Variants in ZNG1B observed in about 807,000 individuals in gnomAD.
ZNG1B encodes zinc-regulated GTPase metalloprotein activator 1B.
At chr2:113,488,142 G>T in the ZNG1B span, among the ~76,000 whole-genome samples, 1 of 152,036 alleles carries the variant, frequency 6.6e-6, no homozygotes, top group African/African-American at 2.4e-5. Flanking sequence ...ACTGGAACAG[G>T]TGCTGGTATC....
At chr2:113,479,884 C>T in the ZNG1B span, among the ~76,000 whole-genome samples, 2 of 150,188 alleles carry the variant, frequency 1.3e-5, no homozygotes, top group Non-Finnish European at 3.0e-5. Flanking sequence ...TGCAGTGGTG[C>T]GATGTCAGCT....
At chr2:113,466,880 C>T in the ZNG1B span, 1,767 of 896,928 alleles carry the variant, frequency 2.0e-3, 1 homozygote, top group Non-Finnish European at 2.1e-3. Flanking sequence ...CTGGCTAACA[C>T]TGTGAAACCC....
chr2:113,471,655 C>G, the ZNG1B span, among the ~76,000 whole-genome samples: 1 of 147,428 alleles, frequency 6.8e-6, no homozygotes, highest in Non-Finnish European at 1.5e-5. Context: ...ACAACAGTCC[C>G]CAGAATGTGA....
chr2:113,438,531 C>G, the ZNG1B span, among the ~76,000 whole-genome samples: 26 of 151,346 alleles, frequency 1.7e-4, no homozygotes, highest in South Asian at 2.9e-3. Context: ...ATCTTAAACA[C>G]TTTTTTTTTG....
the ZNG1B span, chr2:113,447,916 G>T: frequency 2.2e-5 from 10 of 447,566 alleles, no homozygotes; most frequent in South Asian, 1.6e-4. Context: ...TTGAAGTCTG[G>T]AATCCCTCAA....
the ZNG1B span, among the ~76,000 whole-genome samples, chr2:113,477,687 A>T: frequency 3.9e-5 from 6 of 152,264 alleles, no homozygotes; most frequent in African/African-American, 1.4e-4. Context: ...CTAACATGAG[A>T]TCTACCCTCT....
chr2:113,446,213 T>C, the ZNG1B span, among the ~76,000 whole-genome samples: 1 of 151,990 alleles, frequency 6.6e-6, no homozygotes, highest in East Asian at 1.9e-4. Context: ...AACTTGATAC[T>C]TTTGAGAGTT....
the ZNG1B span, among the ~76,000 whole-genome samples, chr2:113,488,091 A>G: frequency 6.6e-6 from 1 of 152,072 alleles, no homozygotes; most frequent in South Asian, 2.1e-4. Context: ...CAGCAAAGCT[A>G]AGAACCCTCA....
the ZNG1B span, chr2:113,455,624 T>C: frequency 1.6e-6 from 2 of 1,287,120 alleles, no homozygotes; most frequent in Admixed American, 2.3e-5. Flanking sequence ...AATCTGAGCA[T>C]ATGGATAGGG....
At chr2:113,451,081 C>G in the ZNG1B span, among the ~76,000 whole-genome samples, 1 of 152,236 alleles carries the variant, frequency 6.6e-6, no homozygotes, top group South Asian at 2.1e-4. Context: ...CCTTCTCCTT[C>G]CCAAAGCAAG....
the ZNG1B span, chr2:113,469,077 C>T: frequency 1.4e-4 from 21 of 151,300 alleles, no homozygotes; most frequent in Admixed American, 9.9e-4. Context: ...TAAGCTATTT[C>T]CTAAGATGAA....
At chr2:113,461,346 T>C in the ZNG1B span, among the ~76,000 whole-genome samples, 2 of 152,078 alleles carry the variant, frequency 1.3e-5, no homozygotes, top group Non-Finnish European at 2.9e-5. Flanking sequence ...CCTCCCAAAG[T>C]GCTGGGATTA....
the ZNG1B span, chr2:113,445,188 G>A: frequency 3.5e-6 from 4 of 1,147,774 alleles, no homozygotes; most frequent in East Asian, 7.4e-5. Context: ...TGGTTTAAAA[G>A]AGGAAAAGTA....
At chr2:113,465,896 G>A in the ZNG1B span, 1 of 984,920 alleles carries the variant, frequency 1.0e-6, no homozygotes. Flanking sequence ...GTACAGCAGA[G>A]GCCTTAGGTG....
the ZNG1B span, among the ~76,000 whole-genome samples, chr2:113,475,706 A>T: frequency 1.2e-4 from 18 of 151,906 alleles, no homozygotes; most frequent in Non-Finnish European, 2.4e-4. Flanking sequence ...ATCTCTCAGC[A>T]TTTGCTTGTC....
the ZNG1B span, among the ~76,000 whole-genome samples, chr2:113,481,140 C>T: frequency 1.4e-5 from 2 of 138,124 alleles, no homozygotes; most frequent in Admixed American, 7.5e-5. Context: ...CATTGTCCAA[C>T]AACATTAAAT....
the ZNG1B span, chr2:113,482,119 CGTATAAA>C: frequency 1.6e-6 from 1 of 633,092 alleles, no homozygotes; most frequent in Non-Finnish European, 2.7e-6. Context: ...CACTAAATAA[CGTATAAA>C]GTTAAATCAG....
At chr2:113,489,461 AAAAC>A in the ZNG1B span, among the ~76,000 whole-genome samples, 1 of 152,122 alleles carries the variant, frequency 6.6e-6, no homozygotes, top group Non-Finnish European at 1.5e-5. Flanking sequence ...AAAAACCAGA[AAAAC>A]AAGGTATACA....
chr2:113,488,218 G>T, the ZNG1B span, among the ~76,000 whole-genome samples: 1 of 152,142 alleles, frequency 6.6e-6, no homozygotes, highest in Non-Finnish European at 1.5e-5. Flanking sequence ...CCCAGTACCA[G>T]CCTGGAGCCT....
Sources: allele counts gnomAD v4.1 joint callset (sites outside exome capture counted in the v4.1 genomes callset), GRCh38; gene constraint gnomAD v4.1.1; transcripts MANE v1.5; gene names NCBI Gene and HGNC (gene_info 2026-07-23, HGNC 2026-07-21).